Variants in CA10 observed in about 807,000 individuals in gnomAD.
CA10 encodes carbonic anhydrase 10 (inactive), also known as carbonic anhydrase-related protein 10.
A neutral mutation model predicts 44.2 loss-of-function variants in CA10; 14 were observed. The ratio of observed to expected loss-of-function variants is 0.32; its 90% CI spans 0.21 to 0.50. CA10 has a LOEUF of 0.50. Among genes scored for constraint, CA10 ranks in the 20% least tolerant of loss-of-function variants. CA10 has a pLI of 0.99. For missense variants in CA10, 350 were observed against 409.7 expected, an observed-to-expected ratio of 0.85 and a Z score of 1.26; for synonymous variants, 159 against 141.6, an observed-to-expected ratio of 1.12 and a Z score of -0.87.
At chr17:52,062,698 A>C (rs912563599) in intron 2 of CA10, among the ~76,000 whole-genome samples, 3 of 152,204 alleles carry the variant, frequency 2.0e-5, no homozygotes, top group South Asian at 2.1e-4. Flanking sequence ...AGCAGCATCC[A>C]CTTGGTGCTA....
At chr17:52,002,291 A>C (rs547331254) in intron 2 of CA10, among the ~76,000 whole-genome samples, 2 of 151,966 alleles carry the variant, frequency 1.3e-5, no homozygotes, top group African/African-American at 4.8e-5. Context: ...TGCAGAGGTA[A>C]GGTGTGTGAG....
At chr17:52,053,522 G>T (rs1474435910) in intron 2 of CA10, among the ~76,000 whole-genome samples, 1 of 151,994 alleles carries the variant, frequency 6.6e-6, no homozygotes, top group Non-Finnish European at 1.5e-5. Flanking sequence ...AAAATGAAAA[G>T]TTTTTGGAAA....
intron 4 of CA10, among the ~76,000 whole-genome samples, chr17:51,719,246 T>C (rs954473844): frequency 6.6e-6 from 1 of 152,298 alleles, no homozygotes; most frequent in Non-Finnish European, 1.5e-5. Flanking sequence ...CATGAAGGCA[T>C]GAAATTTTAA....
intron 2 of CA10, among the ~76,000 whole-genome samples, chr17:52,012,466 G>C (rs1985830186): frequency 6.6e-6 from 1 of 151,930 alleles, no homozygotes; most frequent in Non-Finnish European, 1.5e-5. Flanking sequence ...TAGGTCACAT[G>C]GTTATGGAAT....
intron 4 of CA10, among the ~76,000 whole-genome samples, chr17:51,678,877 C>A (rs1402365045): frequency 1.3e-5 from 2 of 152,154 alleles, no homozygotes; most frequent in Admixed American, 6.5e-5. Flanking sequence ...GTACAGTAAG[C>A]CCTCTCCTTC....
At chr17:52,052,367 A>G (rs1987102880) in intron 2 of CA10, among the ~76,000 whole-genome samples, 1 of 151,042 alleles carries the variant, frequency 6.6e-6, no homozygotes, top group Non-Finnish European at 1.5e-5. Context: ...TGCCTCTCAG[A>G]CCTGGCAAGG....
intron 2 of CA10, among the ~76,000 whole-genome samples, chr17:51,980,653 T>C (rs1197905121): frequency 6.6e-6 from 1 of 152,082 alleles, no homozygotes; most frequent in East Asian, 1.9e-4. Flanking sequence ...AGTTTTAGAT[T>C]TTCAATTGAA....
chr17:51,747,052 A>T (rs1904713380), intron 4 of CA10, among the ~76,000 whole-genome samples: 1 of 152,132 alleles, frequency 6.6e-6, no homozygotes, highest in South Asian at 2.1e-4. Context: ...AACTGTTTAA[A>T]CTGTAGCTCT....
chr17:52,075,063 A>G lies in CA10; in HGVS notation c.62-2670T>C, dbSNP rs9906755. Among the ~76,000 whole-genome samples the G allele has an allele frequency of 5.4e-3, 819 of 152,308 alleles. 6 individuals carry two copies. Among genetic ancestry groups the G allele is most frequent in the African/African-American group, 0.018 (765 of 41,572 alleles). On this transcript the variant is annotated intron_variant, in intron 1 of 8. Transcript: ENST00000451037. ...AGAGACCATTTGGCCCACAAAGCCTAAAATGTTTCCTCCATGGCTCTTTAC... is the reference window on the plus strand; with the variant it reads ...AGAGACCATTTGGCCCACAAAGCCTGAAATGTTTCCTCCATGGCTCTTTAC...
chr17:51,704,131 GTCCATCCATTCA>G (rs1915688073), intron 4 of CA10, among the ~76,000 whole-genome samples: 1 of 152,016 alleles, frequency 6.6e-6, no homozygotes, highest in Non-Finnish European at 1.5e-5. Flanking sequence ...CCATCTATCC[GTCCATCCATTCA>G]TCCATCCATC....
intron 4 of CA10, among the ~76,000 whole-genome samples, chr17:51,697,800 T>TAC (rs1915452889): frequency 6.6e-6 from 1 of 152,244 alleles, no homozygotes; most frequent in Non-Finnish European, 1.5e-5. Flanking sequence ...TGGCATATTG[T>TAC]ACACATCTAA....
At chr17:51,949,386 T>C (rs1186147490) in intron 2 of CA10, among the ~76,000 whole-genome samples, 1 of 152,200 alleles carries the variant, frequency 6.6e-6, no homozygotes, top group Non-Finnish European at 1.5e-5. Flanking sequence ...TTTACACTTC[T>C]ATTTTCAAAC....
chr17:52,094,427 G>A (rs1164734329), intron 1 of CA10, among the ~76,000 whole-genome samples: 6 of 151,888 alleles, frequency 4.0e-5, no homozygotes, highest in East Asian at 1.9e-4. Flanking sequence ...CAAAGGCTTC[G>A]TTAGCAGGAC....
At chr17:52,079,546 G>GT (rs1220789199) in intron 1 of CA10, among the ~76,000 whole-genome samples, 9 of 152,122 alleles carry the variant, frequency 5.9e-5, no homozygotes, top group Admixed American at 5.2e-4. Context: ...GATAAACGTG[G>GT]TAGTGAAGTT....
chr17:51,661,475 G>C (rs1251414556), intron 4 of CA10: 2 of 152,146 alleles, frequency 1.3e-5, no homozygotes, highest in Non-Finnish European at 2.9e-5. Context: ...AAGAGGGATA[G>C]TAATAATTCA....
chr17:52,116,463 G>T (rs1483101515), intron 1 of CA10, among the ~76,000 whole-genome samples: 1 of 152,106 alleles, frequency 6.6e-6, no homozygotes, highest in Non-Finnish European at 1.5e-5. Context: ...GGAGTTCATG[G>T]GTAAGAGCAG....
chr17:51,645,183 T>C (rs1597959500), intron 6 of CA10, among the ~76,000 whole-genome samples: 1 of 152,184 alleles, frequency 6.6e-6, no homozygotes, highest in East Asian at 1.9e-4. Context: ...AGTGCCATCG[T>C]CTCATTATTT....
chr17:52,097,421 T>A (rs1177416594), intron 1 of CA10, among the ~76,000 whole-genome samples: 1 of 152,182 alleles, frequency 6.6e-6, no homozygotes, highest in African/African-American at 2.4e-5. Flanking sequence ...ATTAGACTGT[T>A]TGAATAATTC....
chr17:51,718,772 AT>A (rs1429881772), intron 4 of CA10, among the ~76,000 whole-genome samples: 1 of 152,168 alleles, frequency 6.6e-6, no homozygotes, highest in East Asian at 1.9e-4. Flanking sequence ...GAATAAGAGA[AT>A]ACCCAGCTGG....
Sources: gnomAD v4.1 joint callset for allele counts (sites outside exome capture counted in the v4.1 genomes callset) on GRCh38, gnomAD v4.1.1 for gene constraint, MANE v1.5 for transcripts, NCBI Gene and HGNC (gene_info 2026-07-23, HGNC 2026-07-21) for gene names.